MCUB: variants seen among roughly 807,000 people sequenced by gnomAD.
The protein encoded by MCUB is mitochondrial calcium uniporter dominant negative subunit beta, also known as calcium uniporter regulatory subunit MCUb, mitochondrial.
In MCUB, 46 loss-of-function variants were observed where a neutral mutation model predicts 41.4. The ratio of observed to expected loss-of-function variants is 1.11; its 90% CI spans 0.88 to 1.42. The LOEUF is 1.42. Ranked by LOEUF, MCUB falls within the 40% of genes most tolerant of loss-of-function variation. The pLI is 0.00. For synonymous variants in MCUB, 148 were observed against 148.2 expected (o/e 1.00, Z 0.01); for missense variants, 403 against 404.9 (o/e 1.00, Z 0.04).
At chr4:109,574,835 A>G (rs997531431) in intron 1 of MCUB, among the ~76,000 whole-genome samples, 6 of 152,202 alleles carry the variant, frequency 3.9e-5, no homozygotes, top group African/African-American at 1.4e-4. Flanking sequence ...TTTTAAATAC[A>G]GTGTTAGTGC....
chr4:109,601,224 G>T (rs1727725964), intron 1 of MCUB, among the ~76,000 whole-genome samples: 2 of 152,078 alleles, frequency 1.3e-5, no homozygotes, highest in Non-Finnish European at 2.9e-5. Context: ...AGAGTAAATG[G>T]GGTATCCATC....
At chr4:109,679,278 T>A (rs1390149202) in intron 4 of MCUB, among the ~76,000 whole-genome samples, 1 of 152,124 alleles carries the variant, frequency 6.6e-6, no homozygotes, top group Non-Finnish European at 1.5e-5. Flanking sequence ...TCTTAGCACT[T>A]TGGGAGGCCA....
intron 1 of MCUB, among the ~76,000 whole-genome samples, chr4:109,610,067 A>G (rs754820341): frequency 3.3e-5 from 5 of 152,120 alleles, no homozygotes; most frequent in Admixed American, 6.5e-5. Context: ...CCATAGGCCC[A>G]TGGGGAGTAC....
intron 1 of MCUB, among the ~76,000 whole-genome samples, chr4:109,622,286 A>G (rs1452991164): frequency 1.3e-5 from 2 of 152,208 alleles, no homozygotes; most frequent in African/African-American, 4.8e-5. Flanking sequence ...AAAAGACAAA[A>G]GTCTGTTCTC....
intron 1 of MCUB, among the ~76,000 whole-genome samples, chr4:109,572,540 TTAAC>T (rs1032403969): frequency 7.9e-5 from 12 of 152,306 alleles, no homozygotes; most frequent in Admixed American, 3.9e-4. Flanking sequence ...TTGAAAGATG[TTAAC>T]TAACTGTATC....
intron 1 of MCUB, among the ~76,000 whole-genome samples, chr4:109,590,239 G>A (rs1727399583): frequency 6.6e-6 from 1 of 152,084 alleles, no homozygotes; most frequent in Non-Finnish European, 1.5e-5. Context: ...GTGTAAAACT[G>A]GGATATATTT....
At chr4:109,685,075 T>G in intron 6 of MCUB, 176 bp from the exon 7 acceptor site, 1 of 475,562 alleles carries the variant, frequency 2.1e-6, no homozygotes. Flanking sequence ...CAGCAGATCT[T>G]AAATGAGACT....
chr4:109,602,102 A>G (rs1453316341), intron 1 of MCUB, among the ~76,000 whole-genome samples: 1 of 152,142 alleles, frequency 6.6e-6, no homozygotes, highest in Non-Finnish European at 1.5e-5. Context: ...AGTCCTTAAT[A>G]TATTCTGGTT....
intron 1 of MCUB, among the ~76,000 whole-genome samples, chr4:109,565,169 A>G (rs1250106051): frequency 6.6e-6 from 1 of 152,220 alleles, no homozygotes; most frequent in Non-Finnish European, 1.5e-5. Context: ...ACCAGAGGAA[A>G]ATGAAGGTAG....
intron 3 of MCUB, among the ~76,000 whole-genome samples, chr4:109,662,686 T>C (rs1245922297): frequency 6.6e-6 from 1 of 152,208 alleles, no homozygotes; most frequent in African/African-American, 2.4e-5. Flanking sequence ...AAGGATAATA[T>C]AGTATTTCAA....
At chr4:109,612,227 G>A (rs111959720) in intron 1 of MCUB, among the ~76,000 whole-genome samples, 18 of 151,176 alleles carry the variant, frequency 1.2e-4, no homozygotes, top group Non-Finnish European at 2.1e-4. Flanking sequence ...CAGGAGGAGA[G>A]AGAAAGCTCT....
chr4:109,619,026 GCCTGCCTA>G (rs201479532), intron 1 of MCUB, among the ~76,000 whole-genome samples: 12,186 of 128,128 alleles, frequency 0.095, 550 homozygotes, highest in Non-Finnish European at 0.11. Context: ...CTATCTACCT[GCCTGCCTA>G]CCTACCTACC....
chr4:109,588,178 G>A (rs1485126118), intron 1 of MCUB, among the ~76,000 whole-genome samples: 1 of 152,204 alleles, frequency 6.6e-6, no homozygotes, highest in Admixed American at 6.5e-5. Flanking sequence ...TGAAGGGCAA[G>A]GTAGGATTGT....
intron 1 of MCUB, among the ~76,000 whole-genome samples, chr4:109,594,355 G>A (rs1727504721): frequency 6.6e-6 from 1 of 152,200 alleles, no homozygotes; most frequent in African/African-American, 2.4e-5. Flanking sequence ...TAGGCCTAGT[G>A]GCCTGCTAGC....
chr4:109,633,491 G>A (rs990139560), intron 1 of MCUB, among the ~76,000 whole-genome samples: 3 of 151,892 alleles, frequency 2.0e-5, no homozygotes, highest in Admixed American at 1.3e-4. Flanking sequence ...GGATGGTCTC[G>A]ATCTCCTGAC....
chr4:109,582,796 G>T (rs1727215004), intron 1 of MCUB, among the ~76,000 whole-genome samples: 1 of 152,150 alleles, frequency 6.6e-6, no homozygotes, highest in Admixed American at 6.5e-5. Flanking sequence ...TAGCTAGCCA[G>T]TTTTCCCAGA....
At chr4:109,585,023 G>A (rs10029054) in intron 1 of MCUB, among the ~76,000 whole-genome samples, 2,717 of 152,020 alleles carry the variant, frequency 0.018, 58 homozygotes, top group South Asian at 0.071. Context: ...ATTCTGGCTT[G>A]TTGATCTAAT....
At chr4:109,604,296 C>T (rs1413495735) in intron 1 of MCUB, among the ~76,000 whole-genome samples, 2 of 103,316 alleles carry the variant, frequency 1.9e-5, no homozygotes, top group Admixed American at 1.0e-4. Context: ...CCTTTGTTCA[C>T]GTGTCTGCTG....
intron 1 of MCUB, among the ~76,000 whole-genome samples, chr4:109,629,451 A>G (rs1728428770): frequency 6.6e-6 from 1 of 152,164 alleles, no homozygotes; most frequent in African/African-American, 2.4e-5. Flanking sequence ...TCAATCAGTT[A>G]ATTCTGCAAT....
Sources: gnomAD v4.1 joint callset for allele counts (sites outside exome capture counted in the v4.1 genomes callset) on GRCh38, gnomAD v4.1.1 for gene constraint, MANE v1.5 for transcripts, NCBI Gene and HGNC (gene_info 2026-07-23, HGNC 2026-07-21) for gene names.